Variants in ODF2 observed in about 807,000 individuals in gnomAD.
ODF2 encodes outer dense fiber protein 2.
A neutral mutation model predicts 110.2 loss-of-function variants in ODF2; 47 were observed. That is an observed-to-expected ratio of 0.43 (90% CI 0.34 to 0.54). The LOEUF (loss-of-function observed/expected upper bound fraction) is 0.54. Ranked by LOEUF, ODF2 falls within the 20% of genes least tolerant of loss-of-function variation. The probability of loss-of-function intolerance (pLI) is 0.03; values close to 1 mark genes in which losing one functional copy is unlikely to be tolerated. For synonymous variants in ODF2, 352 were observed against 397.7 expected (o/e 0.89, Z 1.37); for missense variants, 812 against 1,054.5 (o/e 0.77, Z 3.19).
At chr9:128,486,641 T>C (rs143381461) in intron 13 of ODF2, among the ~76,000 whole-genome samples, 3 of 152,336 alleles carry the variant, frequency 2.0e-5, no homozygotes, top group Non-Finnish European at 4.4e-5. Context: ...TGACTGATGA[T>C]GGCCTTGCTG....
chr9:128,481,350 G>T (rs1842358207), intron 8 of ODF2, among the ~76,000 whole-genome samples: 1 of 151,972 alleles, frequency 6.6e-6, no homozygotes, highest in Admixed American at 6.6e-5. Flanking sequence ...GGTAGTGCAT[G>T]CTTGTTGTTC....
intron 14 of ODF2, among the ~76,000 whole-genome samples, chr9:128,491,004 A>G (rs1844435838): frequency 6.6e-6 from 1 of 151,590 alleles, no homozygotes; most frequent in African/African-American, 2.4e-5. Flanking sequence ...GAAGTTCACA[A>G]CATAATTTTT....
In ODF2 at chr9:128,457,349, C is replaced by A. The variant is rs368953566; in HGVS notation, c.-57C>A. On this transcript the variant is annotated 5_prime_UTR_variant, in exon 2 of 21. Transcript: ENST00000604420. ...ATTGACAAGCCTGCCCCTCTGGGTC[C>A]CCCTGAGCAGAGCCTGCTGACCCAA... 5.5e-5 allele frequency: 88 copies of A among 1,611,876 alleles called. No homozygotes were observed. The African/African-American group carries it at 1.1e-3, about 20-fold the overall frequency.
At chr9:128,462,526 A>C (rs1261298207) in intron 4 of ODF2, among the ~76,000 whole-genome samples, 1 of 152,116 alleles carries the variant, frequency 6.6e-6, no homozygotes, top group Non-Finnish European at 1.5e-5. Context: ...GGACTTGTCT[A>C]AACATTGATT....
chr9:128,482,717 T>C (rs574339675), intron 9 of ODF2, 99 bp from the exon 10 acceptor site: 3 of 831,874 alleles, frequency 3.6e-6, no homozygotes, highest in East Asian at 2.5e-5. Context: ...ATGTAGGACC[T>C]TGGGCCCCAG....
chr9:128,494,739 GC>G lies in ODF2; in HGVS notation c.1911+77del. On this transcript the variant is annotated intron_variant, in intron 17 of 20. Transcript: ENST00000604420. The surrounding 1 kb of genome is among the most constrained non-coding windows in gnomAD (Gnocchi z 4.6). ...GCCCGCATACCAAGATGAGCTGCAC[GC>G]CCCCCAAGGGAGGACTACTTCCTTT... 1 of 1,613,710 alleles carries G rather than the reference GC, an allele frequency of 6.2e-7. No homozygotes were observed. Among genetic ancestry groups the G allele is most frequent in the Non-Finnish European group, 8.5e-7 (1 of 1,179,934 alleles).
intron 8 of ODF2, among the ~76,000 whole-genome samples, chr9:128,475,979 G>A (rs1416801183): frequency 3.3e-5 from 5 of 151,998 alleles, no homozygotes; most frequent in Admixed American, 2.6e-4. Context: ...TATAAATGAA[G>A]TCATGTGGTC....
rs1276222418 is a variant in ODF2 at position 128,460,679 on chromosome 9, C to T, written c.124-263C>T. 1 of 1,613,720 alleles carries T rather than the reference C, an allele frequency of 6.2e-7. No homozygotes were observed. Among genetic ancestry groups the T allele is most frequent in the Non-Finnish European group, 8.5e-7 (1 of 1,179,896 alleles). ...GACCAGCAGCCAGGTAGGAGCATGC[C>T]AGTGGGGCGAGGTAGTAGCTGTGGA... On this transcript the variant is annotated intron_variant, in intron 3 of 20. Coordinates refer to ENST00000604420, the Ensembl canonical transcript of ODF2.
chr9:128,478,249 C>T (rs573159481), intron 8 of ODF2, among the ~76,000 whole-genome samples: 5 of 152,280 alleles, frequency 3.3e-5, no homozygotes, highest in South Asian at 2.1e-4. Context: ...CTGTCTGCCT[C>T]GGCTTCTGAA....
chr9:128,464,894 C>CAT lies in ODF2; in HGVS notation c.249+3827_249+3828insAT, dbSNP rs1564464583. Among the ~76,000 whole-genome samples the CAT allele has an allele frequency of 7.2e-3, 6 of 834 alleles. No homozygotes were observed. In the South Asian group the frequency reaches 0.25, roughly 35 times the overall value. 0.5% of individuals were successfully genotyped at this position (834 alleles called of 152,430 possible). A position where few individuals can be genotyped will look rare whatever the true frequency, so the allele number is the denominator to read the frequency against. On this transcript the variant is annotated intron_variant, in intron 4 of 20. Coordinates refer to ENST00000604420, the Ensembl canonical transcript of ODF2. Reference sequence around the variant, plus strand: ...ATTTTTAGTAGAGACGGGGTTTCACCGTTTTAGCCGGGATGGTCTTGAACT... The same window carrying CAT: ...ATTTTTAGTAGAGACGGGGTTTCACCATGTTTTAGCCGGGATGGTCTTGAACT...
At chr9:128,462,203 G>A (rs1240042537) in intron 4 of ODF2, among the ~76,000 whole-genome samples, 3 of 151,634 alleles carry the variant, frequency 2.0e-5, no homozygotes, top group African/African-American at 7.3e-5. Context: ...CCAGGCTGGA[G>A]TGCAGTGGCG....
At chr9:128,458,611 T>G (rs1389468778) in intron 2 of ODF2, among the ~76,000 whole-genome samples, 5 of 151,364 alleles carry the variant, frequency 3.3e-5, no homozygotes, top group African/African-American at 1.2e-4. Flanking sequence ...TTTGGCTGTC[T>G]TTGCAGATCT....
chr9:128,494,875 C>T lies in ODF2; in HGVS notation c.1911+207C>T, dbSNP rs1845315741. 7 of 1,451,820 alleles carry T rather than the reference C, an allele frequency of 4.8e-6. No homozygotes were observed. In the African/African-American group the frequency reaches 9.9e-5, roughly 21 times the overall value. The allele number at this position is 1,451,820 out of a possible 1,614,324, so 89.9% of individuals were successfully genotyped here. On this transcript the variant is annotated intron_variant, in intron 17 of 20. Coordinates refer to ENST00000604420, the Ensembl canonical transcript of ODF2. The surrounding 1 kb of genome is among the most constrained non-coding windows in gnomAD (Gnocchi z 4.6). ...CACAAAGTGATTGTAGTTATAGGAGCCGTCACTTGCGTGGAGTCACTGGGC... is the reference window on the plus strand; with the variant it reads ...CACAAAGTGATTGTAGTTATAGGAGTCGTCACTTGCGTGGAGTCACTGGGC...
At position 128,485,022 on chromosome 9, in the gene ODF2, G is replaced by A; in HGVS notation, c.1290+136G>A. 4 of 947,494 alleles carry A rather than the reference G, an allele frequency of 4.2e-6. No homozygotes were observed. In the South Asian group the frequency reaches 4.4e-5, roughly 10 times the overall value. The allele number at this position is 947,494 out of a possible 1,614,324, so 58.7% of individuals were successfully genotyped here. A position where few individuals can be genotyped will look rare whatever the true frequency, so the allele number is the denominator to read the frequency against. On this transcript the variant is annotated intron_variant, in intron 12 of 20. Coordinates refer to ENST00000604420, the Ensembl canonical transcript of ODF2. The surrounding 1 kb of genome is among the most constrained non-coding windows in gnomAD (Gnocchi z 5.0). ...GTAGTGGTGGAAAGGATAGATGGCT[G>A]GGGAGGAGGGAGAGGGAGTTAAGGG...
chr9:128,499,005 A>G (rs1359615220), exon 20 of ODF2: 3 of 1,613,608 alleles, frequency 1.9e-6, no homozygotes, highest in Non-Finnish European at 2.5e-6. Context: ...GTGCAGGTGG[A>G]ACAAACCAAG....
chr9:128,495,474 G>A (rs1027409264), intron 17 of ODF2, among the ~76,000 whole-genome samples: 14 of 152,252 alleles, frequency 9.2e-5, no homozygotes, highest in Non-Finnish European at 1.6e-4. Context: ...TCTCAGTACT[G>A]TAACCTTACA....
intron 18 of ODF2, 95 bp downstream of exon 18, chr9:128,496,236 G>A (rs757475204): frequency 2.9e-5 from 45 of 1,575,604 alleles, no homozygotes; most frequent in Non-Finnish European, 3.9e-5. Context: ...AAGTGTTGAG[G>A]GACTCGAGGC....
chr9:128,495,233 T>C (rs1421268617), intron 17 of ODF2, among the ~76,000 whole-genome samples: 2 of 152,248 alleles, frequency 1.3e-5, no homozygotes, highest in Non-Finnish European at 2.9e-5. Flanking sequence ...ACGTGTGTAC[T>C]TGTGATAATT....
intron 8 of ODF2, among the ~76,000 whole-genome samples, chr9:128,476,088 G>GT (rs55922128): frequency 0.64 from 96,977 of 151,898 alleles, 33,857 homozygotes; most frequent in Non-Finnish European, 0.79. Flanking sequence ...ATTCCATTGT[G>GT]TATCTCTACT....
Sources: gnomAD v4.1 joint callset for allele counts (sites outside exome capture counted in the v4.1 genomes callset) on GRCh38, gnomAD v4.1.1 for gene constraint, Gnocchi (gnomAD v3.1) non-coding constraint, MANE v1.5 for transcripts, NCBI Gene and HGNC (gene_info 2026-07-23, HGNC 2026-07-21) for gene names.